The following CPN2 variants were observed in gnomAD, a reference collection of about 807,000 sequenced individuals.
CPN2 encodes carboxypeptidase N subunit 2, also known as carboxypeptidase N 83 kDa chain.
For missense variants in CPN2, 620 were observed against 671.4 expected (o/e 0.92, Z 0.85); for synonymous variants, 336 against 318.4 (o/e 1.06, Z -0.59).
intron 1 of CPN2, among the ~76,000 whole-genome samples, chr3:194,343,732 G>A (rs1385031177): frequency 1.3e-5 from 2 of 152,214 alleles, no homozygotes; most frequent in Non-Finnish European, 2.9e-5. Context: ...GTACAATGGA[G>A]ATTAGAATAG....
Position 194,341,424 on chromosome 3 carries a change from G to T in CPN2, c.1279C>A (p.Pro427Thr), listed in dbSNP as rs1712813910. ...ACCACCTGGCCTTTGAGGTAGGCAG[G>T]GCCAGCGCAGTAGGTCTGGATGTTC... Reference protein sequence around the residue: ...LLNIQTYCAGPAYLKGQVVPA... With the variant: ...LLNIQTYCAGTAYLKGQVVPA... Residue 427 changes from proline (P) to threonine (T), a missense_variant, in exon 2 of 2, where the codon CCT becomes ACT. Coordinates refer to ENST00000323830, the MANE Select transcript of CPN2 (RefSeq NM_001080513.4). 1 of 1,614,058 alleles carries T rather than the reference G, an allele frequency of 6.2e-7. No individual in the cohort carries two copies. Among genetic ancestry groups the T allele is most frequent in the Non-Finnish European group, 8.5e-7 (1 of 1,180,040 alleles).
Position 194,342,248 on chromosome 3 carries a change from A to C in CPN2, c.455T>G (p.Leu152Arg). The change falls in exon 2 of 2, where the codon CTG (leucine) becomes CGG (arginine). Residue 152 changes from leucine (L) to arginine (R), a missense_variant. Physicochemically the swap from Leu to Arg is moderately radical, Grantham distance 102. Transcript: ENST00000323830. ...QHLAALESLH[L>R]QGNQLQALPR... The stretch of plus-strand genomic sequence containing the variant: ...CAGGGCCTGGAGCTGGTTCCCCTGC[A>C]GGTGGAGGGACTCCAGGGCAGCCAG... 6.2e-7 allele frequency: 1 copy of C among 1,613,940 alleles called. No homozygotes were observed.
chr3:194,342,411 TG>T lies in CPN2; in HGVS notation c.291del (p.Arg98GlyfsTer13), dbSNP rs772806494. 1.1e-5 allele frequency: 18 copies of T among 1,614,226 alleles called. No homozygotes were observed. The African/African-American group carries it at 2.1e-4, about 19-fold the overall frequency. ...CCTGTGACCTCCAGGTCCTCCAGCC[TG>T]GGCAGCCCCCCGAAGGCATCCGGCC... ...QFRPDAFGGL[P>X]RLEDLEVTGS... On this transcript the variant is annotated frameshift_variant, in exon 2 of 2. Coordinates refer to ENST00000323830, the MANE Select transcript of CPN2 (RefSeq NM_001080513.4). LOFTEE classifies it low-confidence loss of function (END_TRUNC).
intron 1 of CPN2, among the ~76,000 whole-genome samples, chr3:194,343,907 A>T (rs1712955640): frequency 1.3e-5 from 2 of 152,210 alleles, no homozygotes. Flanking sequence ...ACCAAAAAAT[A>T]AAAAAATAAA....
Position 194,350,870 on chromosome 3 carries a change from TA to T in CPN2, c.-4+371del, listed in dbSNP as rs11322919. Among the ~76,000 whole-genome samples, 420 of 151,304 alleles carry T rather than the reference TA, an allele frequency of 2.8e-3. 3 individuals carry two copies. Among genetic ancestry groups the T allele is most frequent in the African/African-American group, 9.9e-3 (411 of 41,346 alleles). ...ATAAATAATTAATAATATTTAGTAT[TA>T]ATATAGGATTAATAAGTAATTAGTA... is the stretch of plus-strand genomic sequence containing the variant. On this transcript the variant is annotated intron_variant, in intron 1 of 1. Coordinates refer to ENST00000323830, the MANE Select transcript of CPN2 (RefSeq NM_001080513.4).
intron 1 of CPN2, among the ~76,000 whole-genome samples, chr3:194,350,169 G>A (rs751071646): frequency 1.3e-4 from 20 of 152,234 alleles, no homozygotes; most frequent in Non-Finnish European, 2.1e-4. Flanking sequence ...CTGTTTTCTA[G>A]TCAGTTGCAC....
At chr3:194,345,619 C>G (rs1024520406) in intron 1 of CPN2, among the ~76,000 whole-genome samples, 1 of 152,232 alleles carries the variant, frequency 6.6e-6, no homozygotes, top group Non-Finnish European at 1.5e-5. Flanking sequence ...GACCAGACAA[C>G]GCTGGGGCCT....
rs1425966127 is a variant in CPN2, at chr3:194,347,729, G to T, written c.-4+3513C>A. 6.1e-3 allele frequency among the ~76,000 whole-genome samples: 482 copies of T among 79,408 alleles called. 53 individuals are homozygous for T. Among genetic ancestry groups the T allele is most frequent in the African/African-American group, 0.022 (376 of 17,380 alleles). 52.1% of individuals were successfully genotyped at this position (79,408 alleles called of 152,430 possible). On this transcript the variant is annotated intron_variant, in intron 1 of 1. Transcript: ENST00000323830. ...TCAGCCCACCCCATCTGCTGCCCTG[G>T]CCAGCCCACCCCACCCTCTGCCCAG...
At chr3:194,350,343 C>A (rs1713225085) in intron 1 of CPN2, among the ~76,000 whole-genome samples, 1 of 152,164 alleles carries the variant, frequency 6.6e-6, no homozygotes, top group Non-Finnish European at 1.5e-5. Context: ...GCATCTCAGG[C>A]CTTACTCTCA....
chr3:194,343,459 G>A (rs930403630), intron 1 of CPN2, among the ~76,000 whole-genome samples: 2 of 152,196 alleles, frequency 1.3e-5, no homozygotes, highest in Admixed American at 1.3e-4. Context: ...ATTGGAAAAC[G>A]TCACAATAAA....
chr3:194,349,019 T>A (rs968001882), intron 1 of CPN2, among the ~76,000 whole-genome samples: 2 of 152,204 alleles, frequency 1.3e-5, no homozygotes, highest in African/African-American at 4.8e-5. Context: ...TTTCCATTTT[T>A]AAGGTGTATT....
chr3:194,347,566 A>C (rs1431260674), intron 1 of CPN2, among the ~76,000 whole-genome samples: 1 of 152,180 alleles, frequency 6.6e-6, no homozygotes, highest in African/African-American at 2.4e-5. Context: ...CCAGCAACGT[A>C]AGTCCAGTGG....
In CPN2 at chr3:194,340,434, T is replaced by G. The variant is rs1047378950; in HGVS notation, c.*631A>C. 1 of 152,216 alleles carries G rather than the reference T, an allele frequency of 6.6e-6. No individual in the cohort carries two copies. Among genetic ancestry groups the G allele is most frequent in the Non-Finnish European group, 1.5e-5 (1 of 68,074 alleles). The allele number at this position is 152,216 out of a possible 1,614,324, so 9.4% of individuals were successfully genotyped here. ...AACCCATCTGATGAGAATTTATGATTTGTAAGGCGCGACTCCCTAGACCCC... is the reference window on the plus strand; with the variant it reads ...AACCCATCTGATGAGAATTTATGATGTGTAAGGCGCGACTCCCTAGACCCC... On this transcript the variant is annotated 3_prime_UTR_variant, in exon 2 of 2. Coordinates refer to ENST00000323830, the MANE Select transcript of CPN2 (RefSeq NM_001080513.4).
chr3:194,344,650 G>A lies in CPN2; in HGVS notation c.-3-1945C>T, dbSNP rs573252979. 1.8e-4 allele frequency among the ~76,000 whole-genome samples: 27 copies of A among 152,276 alleles called. No homozygotes were observed. In the South Asian group the frequency reaches 2.1e-3, roughly 12 times the overall value. ...GCAGAGGTTGCAGTAAGCCGAGATCGTGCCACTGCACTCCAGCCTGGGTGA... is the reference window on the plus strand; with the variant it reads ...GCAGAGGTTGCAGTAAGCCGAGATCATGCCACTGCACTCCAGCCTGGGTGA... On this transcript the variant is annotated intron_variant, in intron 1 of 1. Transcript: ENST00000323830.
At position 194,342,285 on chromosome 3, in the gene CPN2, G is replaced by A; in HGVS notation, c.418C>T (p.Leu140Phe). Residue 140 changes from leucine (L) to phenylalanine (F), a missense_variant, in exon 2 of 2, where the codon CTT becomes TTT. By Grantham distance (22) the Leu-to-Phe change is conservative. Coordinates refer to ENST00000323830, the MANE Select transcript of CPN2 (RefSeq NM_001080513.4). ...FNMLEALPEG[L>F]FQHLAALESL... ...TCCAGGGCAGCCAGGTGCTGGAAAA[G>A]ACCCTCGGGCAGAGCCTCCAGCATG... 1 of 1,613,880 alleles carries A rather than the reference G, an allele frequency of 6.2e-7. No individual in the cohort carries two copies. The highest frequency in any genetic ancestry group is 8.5e-7 in the Non-Finnish European group (1 of 1,179,932).
chr3:194,344,146 C>G (rs1176683769), intron 1 of CPN2, among the ~76,000 whole-genome samples: 1 of 152,176 alleles, frequency 6.6e-6, no homozygotes. Flanking sequence ...CCGCTTCTGG[C>G]TGAAGGTCTC....
rs374665691 is a variant in CPN2 at position 194,341,791 on chromosome 3, G to A, written c.912C>T (p.Val304=). The change falls in exon 2 of 2, where the codon GTC becomes GTT. Residue 304 remains valine (V), a synonymous_variant. Transcript: ENST00000323830. The part of the protein sequence containing the change: ...LSLTHNQLET[V]AEGTFAHLSN... ...ACAGGTGGGCAAAGGTGCCCTCAGC[G>A]ACAGTCTCCAGCTGGTTATGGGTCA... is the stretch of plus-strand genomic sequence containing the variant. 3.2e-5 allele frequency: 52 copies of A among 1,613,928 alleles called. No individual in the cohort carries two copies. Among genetic ancestry groups the A allele is most frequent in the Non-Finnish European group, 3.6e-5 (43 of 1,179,942 alleles).
At position 194,341,791 on chromosome 3, in the gene CPN2, G is replaced by C. The variant is rs374665691; in HGVS notation, c.912C>G (p.Val304=). ...LSLTHNQLET[V]AEGTFAHLSN... Reference sequence around the variant, plus strand: ...ACAGGTGGGCAAAGGTGCCCTCAGCGACAGTCTCCAGCTGGTTATGGGTCA... The same window carrying C: ...ACAGGTGGGCAAAGGTGCCCTCAGCCACAGTCTCCAGCTGGTTATGGGTCA... Residue 304 remains valine (V), a synonymous_variant, in exon 2 of 2, where the codon GTC becomes GTG. Coordinates refer to ENST00000323830, the MANE Select transcript of CPN2 (RefSeq NM_001080513.4). 6.2e-7 allele frequency: 1 copy of C among 1,614,046 alleles called. No homozygotes were observed. The highest frequency in any genetic ancestry group is 8.5e-7 in the Non-Finnish European group (1 of 1,179,934).
Position 194,342,292 on chromosome 3 carries a change from G to C in CPN2, c.411C>G (p.Pro137=), listed in dbSNP as rs1466303437. 6.2e-7 allele frequency: 1 copy of C among 1,613,814 alleles called. No homozygotes were observed. Among genetic ancestry groups the C allele is most frequent in the South Asian group, 1.1e-5 (1 of 91,054 alleles). The change falls in exon 2 of 2, where the codon CCC becomes CCG. Residue 137 remains proline, a synonymous_variant. Coordinates refer to ENST00000323830, the MANE Select transcript of CPN2 (RefSeq NM_001080513.4). ...TLNFNMLEAL[P]EGLFQHLAAL... is the part of the protein sequence containing the mutation. ...CAGCCAGGTGCTGGAAAAGACCCTCGGGCAGAGCCTCCAGCATGTTGAAGT... is the reference window on the plus strand; with the variant it reads ...CAGCCAGGTGCTGGAAAAGACCCTCCGGCAGAGCCTCCAGCATGTTGAAGT...
Sources: allele counts gnomAD v4.1 joint callset (sites outside exome capture counted in the v4.1 genomes callset), GRCh38; gene constraint gnomAD v4.1.1; transcripts MANE v1.5; gene names NCBI Gene and HGNC (gene_info 2026-07-23, HGNC 2026-07-21).